YTHDF2: variants seen among roughly 807,000 people sequenced by gnomAD.
YTHDF2 encodes YTH N6-methyladenosine RNA binding protein F2.
In YTHDF2, 2 loss-of-function variants were observed where a neutral mutation model predicts 50.4. That is an observed-to-expected ratio of 0.04 (90% CI 0.02 to 0.12). YTHDF2 has a LOEUF of 0.12. Ranked by LOEUF, YTHDF2 falls within the 10% of genes least tolerant of loss-of-function variation. The probability of loss-of-function intolerance (pLI) is 1.00; values close to 1 mark genes in which losing one functional copy is unlikely to be tolerated. For synonymous variants in YTHDF2, 217 were observed against 255.6 expected, an observed-to-expected ratio of 0.85 and a Z score of 1.44; for missense variants, 483 against 722.6, an observed-to-expected ratio of 0.67 and a Z score of 3.80.
chr1:28,755,684 A>G (rs916836957), intron 4 of YTHDF2, among the ~76,000 whole-genome samples: 1 of 152,174 alleles, frequency 6.6e-6, no homozygotes, highest in African/African-American at 2.4e-5. Flanking sequence ...GAATAGTTTG[A>G]GTTTCAGAAA....
chr1:28,764,445 T>G (rs1296821967), intron 4 of YTHDF2, among the ~76,000 whole-genome samples: 2 of 151,378 alleles, frequency 1.3e-5, no homozygotes, highest in African/African-American at 4.9e-5. Context: ...TAATTTTTTT[T>G]TTGTTTTTTT....
rs747716611 is a variant in YTHDF2, at chr1:28,737,647, T to C, written c.28-11T>C. The C allele has an allele frequency of 6.2e-7, 1 of 1,613,754 alleles. No individual in the cohort carries two copies. Among genetic ancestry groups the C allele is most frequent in the Non-Finnish European group, 8.5e-7 (1 of 1,179,816 alleles). On this transcript the variant is annotated splice_polypyrimidine_tract_variant and intron_variant, in intron 1 of 4. Transcript: ENST00000373812. ...CAACTTGCTGCTCGGCGACGTTTCC[T>C]TCCCCTGCAGAGACCAAAAGGTCAA...
At chr1:28,745,022 C>A (rs528377971) in intron 4 of YTHDF2, among the ~76,000 whole-genome samples, 4 of 152,254 alleles carry the variant, frequency 2.6e-5, no homozygotes, top group African/African-American at 7.2e-5. Flanking sequence ...AGAAATTTTT[C>A]TTTGAAGATC....
rs1302418833 is a variant in YTHDF2 at position 28,737,131 on chromosome 1, G to A, written c.11G>A (p.Ser4Asn). 1 of 1,600,180 alleles carries A rather than the reference G, an allele frequency of 6.2e-7. No homozygotes were observed. The highest frequency in any genetic ancestry group is 1.1e-5 in the South Asian group (1 of 89,190). The change falls in exon 1 of 5, where the codon AGC becomes AAC. Residue 4 changes from serine to asparagine, a missense_variant. Coordinates refer to ENST00000373812, the MANE Select transcript of YTHDF2 (RefSeq NM_016258.3). MSA[S>N]SLLEQRPKGQ... ...GAGGATCTGAGAGCCATGTCGGCCA[G>A]CAGCCTCTTGGAGCAGGTACAGGCC...
chr1:28,737,846 G>A, intron 2 of YTHDF2, 164 bp downstream of exon 2: 1 of 791,960 alleles, frequency 1.3e-6, no homozygotes, highest in African/African-American at 1.7e-5. Context: ...TCTTGCAGCT[G>A]GCGAACAGCT....
At chr1:28,761,127 G>A (rs985031802) in intron 4 of YTHDF2, among the ~76,000 whole-genome samples, 2,104 of 59,570 alleles carry the variant, frequency 0.035, 25 homozygotes, top group Non-Finnish European at 0.052. Flanking sequence ...GTGTGTGTGT[G>A]TGTATTTTTT....
intron 4 of YTHDF2, among the ~76,000 whole-genome samples, chr1:28,755,447 G>C (rs900125787): frequency 6.6e-6 from 1 of 152,176 alleles, no homozygotes; most frequent in African/African-American, 2.4e-5. Context: ...TTGTATCCTT[G>C]TGAGGTAGGT....
At chr1:28,744,240 C>G (rs571913831) in intron 4 of YTHDF2, among the ~76,000 whole-genome samples, 1 of 152,048 alleles carries the variant, frequency 6.6e-6, no homozygotes, top group Non-Finnish European at 1.5e-5. Context: ...CAGACAGAAA[C>G]AGTACATGAT....
intron 4 of YTHDF2, among the ~76,000 whole-genome samples, chr1:28,744,274 CAA>C (rs200273623): frequency 0.066 from 10,056 of 152,130 alleles, 475 homozygotes; most frequent in Middle Eastern, 0.14. Context: ...AAGAATGAGT[CAA>C]AGAGATGCAG....
At position 28,757,592 on chromosome 1, in the gene YTHDF2, AG is replaced by A. The variant is rs549205891; in HGVS notation, c.1717-11336del. 4.9e-3 allele frequency among the ~76,000 whole-genome samples: 442 copies of A among 89,530 alleles called. 1 individual carries two copies. The highest frequency in any genetic ancestry group is 7.3e-3 in the Non-Finnish European group (319 of 43,792). 58.7% of individuals were successfully genotyped at this position (89,530 alleles called of 152,430 possible). ...GATAGACTTAAAAGCTCTTCATGTG[AG>A]TTTTTTTTGAGTAATGTGGATAGCA... On this transcript the variant is annotated intron_variant, in intron 4 of 4. Coordinates refer to ENST00000373812, the MANE Select transcript of YTHDF2 (RefSeq NM_016258.3).
intron 4 of YTHDF2, among the ~76,000 whole-genome samples, chr1:28,764,211 AAAGT>A (rs1359306413): frequency 6.6e-6 from 1 of 151,708 alleles, no homozygotes; most frequent in Non-Finnish European, 1.5e-5. Flanking sequence ...TCGGCCTCCC[AAAGT>A]GCTGGGATTA....
chr1:28,759,726 C>CG (rs538660065), intron 4 of YTHDF2, among the ~76,000 whole-genome samples: 226 of 152,208 alleles, frequency 1.5e-3, no homozygotes, highest in African/African-American at 5.0e-3. Flanking sequence ...GAGGCTGAGG[C>CG]GGGTGGATTA....
At chr1:28,740,018 C>T (rs997751868) in intron 3 of YTHDF2, among the ~76,000 whole-genome samples, 14 of 152,158 alleles carry the variant, frequency 9.2e-5, no homozygotes, top group Admixed American at 9.2e-4. Context: ...ACTGCATGCC[C>T]ATATATGGAT....
chr1:28,737,197 C>A, intron 1 of YTHDF2, 50 bp downstream of exon 1: 1 of 1,516,124 alleles, frequency 6.6e-7, no homozygotes. Flanking sequence ...CGAGAAGGAG[C>A]CCGACTAGGC....
intron 3 of YTHDF2, among the ~76,000 whole-genome samples, chr1:28,741,585 C>T (rs561899044): frequency 1.3e-3 from 191 of 152,288 alleles, no homozygotes; most frequent in Admixed American, 1.9e-3. Flanking sequence ...GGAGCCACTG[C>T]GCCTGGCCAT....
intron 4 of YTHDF2, among the ~76,000 whole-genome samples, chr1:28,756,091 G>A (rs1308042849): frequency 6.6e-6 from 1 of 152,142 alleles, no homozygotes; most frequent in Non-Finnish European, 1.5e-5. Flanking sequence ...GACTCTGCAT[G>A]TTTCTTTATC....
Position 28,737,158 on chromosome 1 carries a change from G to A in YTHDF2, c.27+11G>A, listed in dbSNP as rs1291638612. ...AGCCTCTTGGAGCAGGTACAGGCCC[G>A]GCCCGCATGCCTCGGCCATTGTGTG... On this transcript the variant is annotated intron_variant, in intron 1 of 4. Transcript: ENST00000373812. 3 of 1,587,770 alleles carry A rather than the reference G, an allele frequency of 1.9e-6. No individual in the cohort carries two copies. The highest frequency in any genetic ancestry group is 1.1e-5 in the South Asian group (1 of 87,748).
At chr1:28,757,489 TC>T (rs1170797033) in intron 4 of YTHDF2, among the ~76,000 whole-genome samples, 1 of 152,212 alleles carries the variant, frequency 6.6e-6, no homozygotes, top group Non-Finnish European at 1.5e-5. Flanking sequence ...CAAGAGATGT[TC>T]AGTGTGCCTA....
Position 28,737,694 on chromosome 1 carries a change from T to G in YTHDF2, c.52+12T>G. 6.2e-7 allele frequency: 1 copy of G among 1,609,346 alleles called. No individual in the cohort carries two copies. The highest frequency in any genetic ancestry group is 1.3e-5 in the African/African-American group (1 of 74,728). On this transcript the variant is annotated intron_variant, in intron 2 of 4. Coordinates refer to ENST00000373812, the MANE Select transcript of YTHDF2 (RefSeq NM_016258.3). Reference sequence around the variant, plus strand: ...TCAAGGAAACAAAGGTAAGTCCCGCTCCGCCGGTGGCCCTGAGCCGGGAGG... The same window carrying G: ...TCAAGGAAACAAAGGTAAGTCCCGCGCCGCCGGTGGCCCTGAGCCGGGAGG...
Sources: allele counts gnomAD v4.1 joint callset (sites outside exome capture counted in the v4.1 genomes callset), GRCh38; gene constraint gnomAD v4.1.1; transcripts MANE v1.5; gene names NCBI Gene and HGNC (gene_info 2026-07-23, HGNC 2026-07-21).